Variants in KCNQ1 observed in about 807,000 individuals in gnomAD.
The protein encoded by KCNQ1 is potassium voltage-gated channel subfamily KQT member 1.
KCNQ1 carries 49 observed loss-of-function variants against 72.4 expected under a neutral mutation model. The ratio of observed to expected loss-of-function variants is 0.68; its 90% CI spans 0.54 to 0.86. KCNQ1 has a LOEUF of 0.86. KCNQ1 is among the 40% of genes least tolerant of loss of function. KCNQ1 has a pLI of 0.00. For missense variants in KCNQ1, 790 were observed against 945.1 expected (o/e 0.84, Z 2.15); for synonymous variants, 450 against 412.6 (o/e 1.09, Z -1.10).
At chr11:2,460,677 A>C (rs1408236608) in intron 1 of KCNQ1, among the ~76,000 whole-genome samples, 1 of 152,160 alleles carries the variant, frequency 6.6e-6, no homozygotes, top group African/African-American at 2.4e-5. Context: ...ACTGCTGGGG[A>C]ACGCTGGGGA....
At chr11:2,511,638 T>G (rs911788124) in intron 1 of KCNQ1, among the ~76,000 whole-genome samples, 2 of 152,178 alleles carry the variant, frequency 1.3e-5, no homozygotes, top group African/African-American at 4.8e-5. Context: ...GAAATAAAAC[T>G]GCTAAATGCA....
rs1410814886 is a variant in KCNQ1, at chr11:2,471,893, G to A, written c.386+26409G>A. The stretch of plus-strand genomic sequence containing the variant: ...ATGGGTGTGTGTGCACATGTGTATA[G>A]GTGTGTGTATGCGTGCACCTATGTG... On this transcript the variant is annotated intron_variant, in intron 1 of 15. Transcript: ENST00000155840. This position sits in a 1 kb window ranked among gnomAD's most constrained non-coding sequence, Gnocchi z 4.8. Among the ~76,000 whole-genome samples, 26 of 148,810 alleles carry A rather than the reference G, an allele frequency of 1.7e-4. No homozygotes were observed. Among genetic ancestry groups the A allele is most frequent in the African/African-American group, 6.5e-4 (26 of 39,982 alleles).
In KCNQ1 at chr11:2,768,919, G is replaced by T; in HGVS notation, c.1590G>T (p.Gln530His). Residue 530 changes from glutamine (Q) to histidine (H), a missense_variant and splice_region_variant, in exon 12 of 16, where the codon CAG becomes CAT. This residue lies in a region of KCNQ1 where 91 missense variants were observed against 139.1 expected (regional missense o/e 0.65). Transcript: ENST00000155840. The surrounding 1 kb of genome is among the most constrained non-coding windows in gnomAD (Gnocchi z 6.7). ...ACTTTGTGGCCAAGAAGAAATTCCA[G>T]GTAAGCCCTGTGCTGAGCCTTCCTG... The part of the protein sequence containing the change: ...MQYFVAKKKF[Q>H]QARKPYDVRD... The T allele has an allele frequency of 6.2e-7, 1 of 1,613,102 alleles. No individual in the cohort carries two copies. Among genetic ancestry groups the T allele is most frequent in the African/African-American group, 1.3e-5 (1 of 74,984 alleles).
rs1847128673 is a variant in KCNQ1, at chr11:2,507,780, G to A, written c.387-20148G>A. Among the ~76,000 whole-genome samples the A allele has an allele frequency of 6.6e-6, 1 of 152,072 alleles. No homozygotes were observed. The highest frequency in any genetic ancestry group is 1.5e-5 in the Non-Finnish European group (1 of 67,994). ...CTAGACAGGGCCTCCTGTAGCCTGG[G>A]TGGGTGGAAGGGCAGAGGGCAAGGG... On this transcript the variant is annotated intron_variant, in intron 1 of 15. Coordinates refer to ENST00000155840, the MANE Select transcript of KCNQ1 (RefSeq NM_000218.3). The surrounding 1 kb of genome is among the most constrained non-coding windows in gnomAD (Gnocchi z 5.4).
chr11:2,633,042 T>C, intron 10 of KCNQ1: 1 of 398,506 alleles, frequency 2.5e-6, no homozygotes, highest in Non-Finnish European at 4.4e-6. Context: ...AAATAGTGTA[T>C]TATTTCCCTT....
chr11:2,632,194 A>AG (rs1849367944), intron 10 of KCNQ1: 2 of 397,742 alleles, frequency 5.0e-6, no homozygotes, highest in Non-Finnish European at 8.9e-6. Flanking sequence ...AAAAAAAAAA[A>AG]AAAAAAAAAG....
rs559529165 is a variant in KCNQ1 at position 2,623,444 on chromosome 11, C to G, written c.1393+34590C>G. 1 of 398,596 alleles carries G rather than the reference C, an allele frequency of 2.5e-6. No homozygotes were observed. The highest frequency in any genetic ancestry group is 3.6e-5 in the East Asian group (1 of 28,076). The allele number at this position is 398,596 out of a possible 1,614,324, so 24.7% of individuals were successfully genotyped here. Reference sequence around the variant, plus strand: ...TATTCAACCCTTCTTCCCCAACAACCCTTGGCAACCACTGAACTTTTTACT... The same window carrying G: ...TATTCAACCCTTCTTCCCCAACAACGCTTGGCAACCACTGAACTTTTTACT... On this transcript the variant is annotated intron_variant, in intron 10 of 15. Coordinates refer to ENST00000155840, the MANE Select transcript of KCNQ1 (RefSeq NM_000218.3). The surrounding 1 kb of genome is among the most constrained non-coding windows in gnomAD (Gnocchi z 5.2).
chr11:2,764,406 C>T lies in KCNQ1; in HGVS notation c.1515-4438C>T, dbSNP rs768984659. On this transcript the variant is annotated intron_variant, in intron 11 of 15. Coordinates refer to ENST00000155840, the MANE Select transcript of KCNQ1 (RefSeq NM_000218.3). This position sits in a 1 kb window ranked among gnomAD's most constrained non-coding sequence, Gnocchi z 4.8. ...ATGCACAAGTGGATTAAACCACATT[C>T]GAGCATGTGTTTGGGCACAGTGCTA... 1.3e-5 allele frequency among the ~76,000 whole-genome samples: 2 copies of T among 152,112 alleles called. No homozygotes were observed. The highest frequency in any genetic ancestry group is 1.3e-4 in the Admixed American group (2 of 15,264).
At chr11:2,616,248 T>C (rs1849062352) in intron 10 of KCNQ1, 2 of 397,614 alleles carry the variant, frequency 5.0e-6, no homozygotes, top group Non-Finnish European at 8.9e-6. Context: ...GTTCCTACTT[T>C]TGTTTATGAT....
chr11:2,511,837 C>A, intron 1 of KCNQ1, among the ~76,000 whole-genome samples: 1 of 152,290 alleles, frequency 6.6e-6, no homozygotes, highest in Non-Finnish European at 1.5e-5. Flanking sequence ...TGGCCACATG[C>A]GGGCCCCTCA....
At position 2,623,383 on chromosome 11, in the gene KCNQ1, C is replaced by A. The variant is rs146604870; in HGVS notation, c.1393+34529C>A. ...ATACGTATATTTACATATATTTGTACATTTTCACTGCCCTAAAAGTACTCT... is the reference window on the plus strand; with the variant it reads ...ATACGTATATTTACATATATTTGTAAATTTTCACTGCCCTAAAAGTACTCT... On this transcript the variant is annotated intron_variant, in intron 10 of 15. Coordinates refer to ENST00000155840, the MANE Select transcript of KCNQ1 (RefSeq NM_000218.3). The surrounding 1 kb of genome is among the most constrained non-coding windows in gnomAD (Gnocchi z 5.2). 360 of 398,554 alleles carry A rather than the reference C, an allele frequency of 9.0e-4. 1 individual carries two copies. Among genetic ancestry groups the A allele is most frequent in the African/African-American group, 6.4e-3 (312 of 48,730 alleles). 24.7% of individuals were successfully genotyped at this position (398,554 alleles called of 1,614,324 possible).
rs755227334 is a variant in KCNQ1 at position 2,549,706 on chromosome 11, C to T, written c.478-20922C>T. 3.3e-4 allele frequency among the ~76,000 whole-genome samples: 50 copies of T among 152,084 alleles called. No individual in the cohort carries two copies. The highest frequency in any genetic ancestry group is 5.7e-4 in the Non-Finnish European group (39 of 68,000). On this transcript the variant is annotated intron_variant, in intron 2 of 15. Coordinates refer to ENST00000155840, the MANE Select transcript of KCNQ1 (RefSeq NM_000218.3). The surrounding 1 kb of genome is among the most constrained non-coding windows in gnomAD (Gnocchi z 6.2). ...CGTTTTGTGTTCTGCATGGGTGGCC[C>T]TGGGCTCCCCAGGCCTGGTGTGGGG...
chr11:2,722,876 G>A (rs1845692620), intron 11 of KCNQ1, among the ~76,000 whole-genome samples: 1 of 152,138 alleles, frequency 6.6e-6, no homozygotes, highest in African/African-American at 2.4e-5. Context: ...TTCTGAGTGG[G>A]AGCTATGGCA....
chr11:2,535,022 C>T (rs1847705948), intron 2 of KCNQ1, among the ~76,000 whole-genome samples: 2 of 152,206 alleles, frequency 1.3e-5, no homozygotes, highest in Non-Finnish European at 2.9e-5. Flanking sequence ...GATGTGGGCC[C>T]TCTGTCTGCA....
chr11:2,597,800 G>A (rs759868177), intron 10 of KCNQ1, among the ~76,000 whole-genome samples: 2 of 152,050 alleles, frequency 1.3e-5, no homozygotes, highest in Non-Finnish European at 2.9e-5. Flanking sequence ...TTAGTTTATT[G>A]CATCTTTTGG....
In KCNQ1 at chr11:2,768,720, G is replaced by A; in HGVS notation, c.1515-124G>A. ...GGCCTAAGTATCTCCATCCCATGGAGTTGAACACTCTCCTTGTTTCTGGAA... is the reference window on the plus strand; with the variant it reads ...GGCCTAAGTATCTCCATCCCATGGAATTGAACACTCTCCTTGTTTCTGGAA... On this transcript the variant is annotated intron_variant, in intron 11 of 15. Coordinates refer to ENST00000155840, the MANE Select transcript of KCNQ1 (RefSeq NM_000218.3). This position sits in a 1 kb window ranked among gnomAD's most constrained non-coding sequence, Gnocchi z 6.7. The A allele has an allele frequency of 1.3e-6, 1 of 795,008 alleles. No individual in the cohort carries two copies. Among genetic ancestry groups the A allele is most frequent in the Non-Finnish European group, 2.2e-6 (1 of 448,978 alleles). The allele number at this position is 795,008 out of a possible 1,614,324, so 49.2% of individuals were successfully genotyped here. A position where few individuals can be genotyped will look rare whatever the true frequency, so the allele number is the denominator to read the frequency against.
At chr11:2,819,256 T>C (rs1847683718) in intron 15 of KCNQ1, among the ~76,000 whole-genome samples, 1 of 152,192 alleles carries the variant, frequency 6.6e-6, no homozygotes, top group African/African-American at 2.4e-5. Flanking sequence ...GTGTGCTCTA[T>C]GCCTGCCCAT....
At position 2,564,067 on chromosome 11, in the gene KCNQ1, G is replaced by A. The variant is rs77451241; in HGVS notation, c.478-6561G>A. ...CAACCGCCACGGGCCAGGGCCCCTC[G>A]AGGCACTCATTTCAGTATCAGAGAA... On this transcript the variant is annotated intron_variant, in intron 2 of 15. Coordinates refer to ENST00000155840, the MANE Select transcript of KCNQ1 (RefSeq NM_000218.3). The surrounding 1 kb of genome is among the most constrained non-coding windows in gnomAD (Gnocchi z 4.5). Among the ~76,000 whole-genome samples the A allele has an allele frequency of 0.031, 4,660 of 152,310 alleles. 228 individuals carry two copies. The highest frequency in any genetic ancestry group is 0.1 in the African/African-American group (4,160 of 41,548).
At chr11:2,534,138 G>A (rs1341044360) in intron 2 of KCNQ1, among the ~76,000 whole-genome samples, 1 of 152,150 alleles carries the variant, frequency 6.6e-6, no homozygotes, top group Non-Finnish European at 1.5e-5. Flanking sequence ...TTCCCTCCCA[G>A]CAGCAAAGTG....
Sources: allele counts gnomAD v4.1 joint callset (sites outside exome capture counted in the v4.1 genomes callset), GRCh38; gene constraint gnomAD v4.1.1; regional missense constraint gnomAD v4.1.1; non-coding constraint Gnocchi (gnomAD v3.1); transcripts MANE v1.5; gene names NCBI Gene and HGNC (gene_info 2026-07-23, HGNC 2026-07-21).